The following DNM2 variants were observed in gnomAD, a reference collection of about 807,000 sequenced individuals.
The protein encoded by DNM2 is dynamin-2.
Under a neutral mutation model 99.0 loss-of-function variants are expected in DNM2, and 15 were observed. The observed-to-expected ratio is 0.15, with a 90% CI of 0.10 to 0.23. DNM2 has a LOEUF of 0.23. DNM2 is among the 10% of genes least tolerant of loss of function. The pLI, the probability that DNM2 is intolerant of heterozygous loss-of-function variation, is 1.00. For missense variants in DNM2, 742 were observed against 1,189.4 expected (o/e 0.62, Z 5.53); for synonymous variants, 525 against 481.2 (o/e 1.09, Z -1.19).
rs1012413617 is a variant in DNM2 at position 10,729,241 on chromosome 19, C to T, written c.161+10838C>T. 2.7e-4 allele frequency among the ~76,000 whole-genome samples: 40 copies of T among 150,030 alleles called. No individual in the cohort carries two copies. In the East Asian group the frequency reaches 7.2e-3, roughly 27 times the overall value. ...GCGGGCACCTGTAATCCCAGCTACTCGGGAGGCTGAGGCAGGAGAATTACT... is the reference window on the plus strand; with the variant it reads ...GCGGGCACCTGTAATCCCAGCTACTTGGGAGGCTGAGGCAGGAGAATTACT... On this transcript the variant is annotated intron_variant, in intron 1 of 20. Coordinates refer to ENST00000389253, the MANE Select transcript of DNM2 (RefSeq NM_001005361.3).
chr19:10,786,998 G>A (rs1311129419), intron 7 of DNM2, among the ~76,000 whole-genome samples: 2 of 152,226 alleles, frequency 1.3e-5, no homozygotes, highest in East Asian at 3.8e-4. Context: ...TATGAAAGTG[G>A]TGCTAGTGTG....
intron 6 of DNM2, among the ~76,000 whole-genome samples, chr19:10,785,607 CT>C (rs1000418905): frequency 6.6e-6 from 1 of 151,936 alleles, no homozygotes; most frequent in East Asian, 1.9e-4. Context: ...ATTTTTAAAA[CT>C]TTTTTTATCT....
chr19:10,792,551 TA>T (rs2071788586), intron 7 of DNM2, among the ~76,000 whole-genome samples: 1 of 152,260 alleles, frequency 6.6e-6, no homozygotes, highest in African/African-American at 2.4e-5. Flanking sequence ...CACATGTTAT[TA>T]CCACTTTTTG....
intron 5 of DNM2, among the ~76,000 whole-genome samples, chr19:10,778,810 C>T (rs907675370): frequency 2.6e-5 from 4 of 152,092 alleles, no homozygotes; most frequent in African/African-American, 9.7e-5. Flanking sequence ...TGGGATTTGG[C>T]CAATTATTGT....
intron 1 of DNM2, among the ~76,000 whole-genome samples, chr19:10,731,588 AG>A (rs1205065868): frequency 6.6e-6 from 1 of 152,114 alleles, no homozygotes; most frequent in East Asian, 1.9e-4. Context: ...TCCTGGCCTC[AG>A]GTGATCCACC....
At chr19:10,813,977 A>G (rs2072644723) in intron 15 of DNM2, among the ~76,000 whole-genome samples, 1 of 152,126 alleles carries the variant, frequency 6.6e-6, no homozygotes, top group South Asian at 2.1e-4. Flanking sequence ...AGCCTGGCCA[A>G]ACGGTGAAGC....
intron 6 of DNM2, among the ~76,000 whole-genome samples, chr19:10,784,618 C>A (rs1349197606): frequency 6.6e-6 from 1 of 151,986 alleles, no homozygotes; most frequent in East Asian, 1.9e-4. Context: ...TGTCACAGAC[C>A]AAGGGAAGGC....
chr19:10,740,797 C>T (rs1209501461), intron 1 of DNM2, among the ~76,000 whole-genome samples: 1 of 152,194 alleles, frequency 6.6e-6, no homozygotes, highest in African/African-American at 2.4e-5. Flanking sequence ...CTCAGCATAT[C>T]TTCTCATTTC....
rs2068819928 is a variant in DNM2 at position 10,718,314 on chromosome 19, C to T, written c.72C>T (p.Gly24=). 6.6e-7 allele frequency: 1 copy of T among 1,511,476 alleles called. No homozygotes were observed. The highest frequency in any genetic ancestry group is 8.8e-7 in the Non-Finnish European group (1 of 1,131,332). The allele number at this position is 1,511,476 out of a possible 1,614,324, so 93.6% of individuals were successfully genotyped here. Reference sequence around the variant, plus strand: ...TGCAGGACGCCTTCAGCTCCATCGGCCAGAGCTGCCACCTGGACCTGCCGC... The same window carrying T: ...TGCAGGACGCCTTCAGCTCCATCGGTCAGAGCTGCCACCTGGACCTGCCGC... The part of the protein sequence containing the change: ...NKLQDAFSSI[G]QSCHLDLPQI... The change falls in exon 1 of 21, where the codon GGC becomes GGT. Residue 24 remains glycine (G), a synonymous_variant. Coordinates refer to ENST00000389253, the MANE Select transcript of DNM2 (RefSeq NM_001005361.3).
rs144363390 is a variant in DNM2, at chr19:10,733,760, A to C, written c.161+15357A>C. ...GGTGGCTCACGCCTGTAATCCCAGC[A>C]CTTTGGGAGGCAGAGGCAGGTGGAT... On this transcript the variant is annotated intron_variant, in intron 1 of 20. Coordinates refer to ENST00000389253, the MANE Select transcript of DNM2 (RefSeq NM_001005361.3). Among the ~76,000 whole-genome samples, 37 of 152,140 alleles carry C rather than the reference A, an allele frequency of 2.4e-4. No homozygotes were observed. In the East Asian group the frequency reaches 6.6e-3, roughly 27 times the overall value.
chr19:10,774,651 C>G (rs148859505), intron 3 of DNM2, among the ~76,000 whole-genome samples: 6 of 151,146 alleles, frequency 4.0e-5, no homozygotes, highest in African/African-American at 1.5e-4. Context: ...GTCTCGAACT[C>G]CCGACCTCAG....
chr19:10,767,160 A>G (rs1010368139), intron 2 of DNM2, among the ~76,000 whole-genome samples: 2 of 151,730 alleles, frequency 1.3e-5, no homozygotes, highest in Non-Finnish European at 2.9e-5. Context: ...GCTGTGGACA[A>G]GTTGACAGGG....
In DNM2 at chr19:10,797,512, C is replaced by G. The variant is rs773168159; in HGVS notation, c.1329C>G (p.Ala443=). The G allele has an allele frequency of 1.2e-6, 2 of 1,613,810 alleles. No individual in the cohort carries two copies. The highest frequency in any genetic ancestry group is 1.7e-6 in the Non-Finnish European group (2 of 1,179,974). ...TGGCCACGGTCATAAAAAAGTGTGC[C>G]GAGAAGGTAACAGGTTTTGTTCTCA... is the stretch of plus-strand genomic sequence containing the variant. ...SELATVIKKC[A]EKLSSYPRLR... The change falls in exon 10 of 21, where the codon GCC becomes GCG. Residue 443 remains alanine (A), a synonymous_variant. Coordinates refer to ENST00000389253, the MANE Select transcript of DNM2 (RefSeq NM_001005361.3).
Position 10,796,783 on chromosome 19 carries a change from G to A in DNM2, c.1197-597G>A, listed in dbSNP as rs1211891892. On this transcript the variant is annotated intron_variant, in intron 9 of 20. Coordinates refer to ENST00000389253, the MANE Select transcript of DNM2 (RefSeq NM_001005361.3). This position sits in a 1 kb window ranked among gnomAD's most constrained non-coding sequence, Gnocchi z 5.6. ...CCACTTAGTCACAGTGCCTCTATGCGCTCTCGACGAGCCACTGCCTCCACT... is the reference window on the plus strand; with the variant it reads ...CCACTTAGTCACAGTGCCTCTATGCACTCTCGACGAGCCACTGCCTCCACT... Among the ~76,000 whole-genome samples the A allele has an allele frequency of 2.0e-5, 3 of 152,024 alleles. No individual in the cohort carries two copies. The highest frequency in any genetic ancestry group is 4.4e-5 in the Non-Finnish European group (3 of 67,994).
rs2072867087 is a variant in DNM2, at chr19:10,818,776, CA to C, written c.1672-1203del. 6.6e-6 allele frequency among the ~76,000 whole-genome samples: 1 copy of C among 152,204 alleles called. No individual in the cohort carries two copies. The highest frequency in any genetic ancestry group is 2.1e-4 in the South Asian group (1 of 4,834). ...GAGACGGCCCAGGGAGAAGAAGGGC[CA>C]GGGGCACTGTGGGGAGGACTGGGCT... On this transcript the variant is annotated intron_variant, in intron 15 of 20. Transcript: ENST00000389253. The surrounding 1 kb of genome is among the most constrained non-coding windows in gnomAD (Gnocchi z 4.3).
intron 15 of DNM2, among the ~76,000 whole-genome samples, chr19:10,813,942 C>G (rs2072643806): frequency 6.6e-6 from 1 of 152,122 alleles, no homozygotes; most frequent in African/African-American, 2.4e-5. Flanking sequence ...GTGGGTGGAT[C>G]ACCTGGGGTC....
intron 1 of DNM2, among the ~76,000 whole-genome samples, chr19:10,721,103 G>A (rs942485858): frequency 6.6e-6 from 1 of 152,038 alleles, no homozygotes; most frequent in Non-Finnish European, 1.5e-5. Flanking sequence ...CTGCCGGCCA[G>A]TATGGAGCTG....
chr19:10,752,852 T>G (rs1568279692), intron 1 of DNM2, among the ~76,000 whole-genome samples: 1 of 152,122 alleles, frequency 6.6e-6, no homozygotes, highest in Non-Finnish European at 1.5e-5. Context: ...TACAAGAAAC[T>G]TAAGGTGGCC....
Position 10,718,307 on chromosome 19 carries a change from C to T in DNM2, c.65C>T (p.Ser22Phe). Residue 22 changes from serine (S) to phenylalanine (F), a missense_variant, in exon 1 of 21, where the codon TCC becomes TTC. Ser to Phe is a radical substitution (Grantham distance 155, BLOSUM62 -2). Around this residue, in one of 7 missense-constraint regions of DNM2, gnomAD observed 52 missense variants for 46.1 expected, o/e 1.13. Transcript: ENST00000389253. ...AACAAACTGCAGGACGCCTTCAGCT[C>T]CATCGGCCAGAGCTGCCACCTGGAC... ...LVNKLQDAFS[S>F]IGQSCHLDLP... 1.3e-6 allele frequency: 2 copies of T among 1,512,006 alleles called. No homozygotes were observed. Among genetic ancestry groups the T allele is most frequent in the Non-Finnish European group, 8.8e-7 (1 of 1,131,480 alleles). 93.7% of individuals were successfully genotyped at this position (1,512,006 alleles called of 1,614,324 possible). A position where few individuals can be genotyped will look rare whatever the true frequency, so the allele number is the denominator to read the frequency against.
Sources: allele counts gnomAD v4.1 joint callset (sites outside exome capture counted in the v4.1 genomes callset), GRCh38; gene constraint gnomAD v4.1.1; regional missense constraint gnomAD v4.1.1; non-coding constraint Gnocchi (gnomAD v3.1); transcripts MANE v1.5; gene names NCBI Gene and HGNC (gene_info 2026-07-23, HGNC 2026-07-21).